Variants in TMEM117 observed in about 807,000 individuals in gnomAD.
TMEM117 encodes the protein transmembrane protein 117.
Under a neutral mutation model 52.4 loss-of-function variants are expected in TMEM117, and 27 were observed. The ratio of observed to expected loss-of-function variants is 0.51; its 90% CI spans 0.38 to 0.71. The LOEUF (loss-of-function observed/expected upper bound fraction) is 0.71, where lower values mean the gene tolerates loss of function less well. Among genes scored for constraint, TMEM117 ranks in the 30% least tolerant of loss-of-function variants. The pLI is 0.00. For synonymous variants in TMEM117, 215 were observed against 206.3 expected (o/e 1.04, Z -0.36); for missense variants, 556 against 630.5 (o/e 0.88, Z 1.26).
At chr12:44,119,853 C>T (rs1229304836) in intron 3 of TMEM117, among the ~76,000 whole-genome samples, 6 of 152,072 alleles carry the variant, frequency 3.9e-5, no homozygotes, top group Admixed American at 3.9e-4. Flanking sequence ...AATGTGTAAC[C>T]AGGGTTGAGA....
intron 3 of TMEM117, among the ~76,000 whole-genome samples, chr12:44,083,392 T>TC (rs1416288285): frequency 7.1e-6 from 1 of 139,862 alleles, no homozygotes; most frequent in Non-Finnish European, 1.5e-5. Flanking sequence ...ATTGTTAGTT[T>TC]TTTTTTTTTT....
At chr12:44,300,527 T>C (rs1950826535) in intron 6 of TMEM117, among the ~76,000 whole-genome samples, 1 of 152,254 alleles carries the variant, frequency 6.6e-6, no homozygotes. Flanking sequence ...ATTCTGAATT[T>C]ATGTGAGATT....
At chr12:43,847,003 A>T (rs746208413) in intron 2 of TMEM117, among the ~76,000 whole-genome samples, 2 of 152,226 alleles carry the variant, frequency 1.3e-5, no homozygotes, top group Non-Finnish European at 2.9e-5. Flanking sequence ...ATAGATGCAC[A>T]TAGTTTCTAG....
At chr12:44,104,886 C>T (rs1384821788) in intron 3 of TMEM117, among the ~76,000 whole-genome samples, 2 of 151,424 alleles carry the variant, frequency 1.3e-5, no homozygotes, top group Non-Finnish European at 2.9e-5. Context: ...ATTTTTTTCC[C>T]CTGGGTTCTT....
chr12:43,914,984 G>C (rs1944576857), intron 2 of TMEM117, among the ~76,000 whole-genome samples: 2 of 152,048 alleles, frequency 1.3e-5, no homozygotes, highest in African/African-American at 2.4e-5. Flanking sequence ...TTCTCATCTT[G>C]ATTTACCCAA....
intron 5 of TMEM117, among the ~76,000 whole-genome samples, chr12:44,251,281 A>T (rs1355794238): frequency 6.6e-6 from 1 of 152,206 alleles, no homozygotes; most frequent in East Asian, 1.9e-4. Context: ...TCTAAAATGG[A>T]AACTTGAAAT....
At chr12:43,859,295 G>T (rs1220215355) in intron 2 of TMEM117, among the ~76,000 whole-genome samples, 1 of 152,192 alleles carries the variant, frequency 6.6e-6, no homozygotes, top group Non-Finnish European at 1.5e-5. Flanking sequence ...GGGCAAAATG[G>T]TTGCAGTGTA....
At chr12:44,169,856 C>G (rs1949020246) in intron 4 of TMEM117, among the ~76,000 whole-genome samples, 1 of 152,134 alleles carries the variant, frequency 6.6e-6, no homozygotes, top group South Asian at 2.1e-4. Flanking sequence ...GGACTGTAAA[C>G]TAGTTCAACC....
intron 1 of TMEM117, among the ~76,000 whole-genome samples, chr12:43,843,791 G>A (rs527722668): frequency 6.6e-6 from 1 of 152,234 alleles, no homozygotes; most frequent in African/African-American, 2.4e-5. Flanking sequence ...CTACTCTACT[G>A]TAGACTTAGC....
intron 1 of TMEM117, among the ~76,000 whole-genome samples, chr12:43,838,859 G>A (rs1360330989): frequency 6.6e-6 from 1 of 151,924 alleles, no homozygotes; most frequent in Non-Finnish European, 1.5e-5. Flanking sequence ...CAAATGGCAG[G>A]TATCAGGAAT....
At chr12:44,352,617 A>C (rs1951580807) in intron 6 of TMEM117, among the ~76,000 whole-genome samples, 1 of 152,088 alleles carries the variant, frequency 6.6e-6, no homozygotes, top group Non-Finnish European at 1.5e-5. Context: ...CCTACAAAGG[A>C]CATGAACTCA....
At chr12:44,166,613 T>C (rs1394310775) in intron 4 of TMEM117, among the ~76,000 whole-genome samples, 1 of 152,114 alleles carries the variant, frequency 6.6e-6, no homozygotes, top group Non-Finnish European at 1.5e-5. Context: ...AGTGGACAAA[T>C]AAAATTTTCT....
intron 2 of TMEM117, 26 bp downstream of exon 2, chr12:43,844,954 A>G (rs1943176556): frequency 1.9e-6 from 3 of 1,576,128 alleles, no homozygotes; most frequent in Middle Eastern, 1.7e-4. Context: ...CATGAAATGT[A>G]ATATCACTAA....
intron 4 of TMEM117, among the ~76,000 whole-genome samples, chr12:44,204,685 A>T (rs73100825): frequency 6.6e-6 from 1 of 152,018 alleles, no homozygotes; most frequent in African/African-American, 2.4e-5. Context: ...CCAAAACAGC[A>T]TATTGGTACA....
intron 7 of TMEM117, among the ~76,000 whole-genome samples, chr12:44,387,271 C>G (rs1012593223): frequency 5.3e-5 from 8 of 151,688 alleles, no homozygotes; most frequent in Admixed American, 1.3e-4. Context: ...TTTCCACATT[C>G]TTTCCATTTG....
chr12:43,848,704 AC>A (rs1346303121), intron 2 of TMEM117, among the ~76,000 whole-genome samples: 1 of 152,256 alleles, frequency 6.6e-6, no homozygotes, highest in Non-Finnish European at 1.5e-5. Context: ...TCCTGAGGTG[AC>A]ATACATCCTC....
chr12:44,005,133 A>G (rs1410260792), intron 3 of TMEM117, among the ~76,000 whole-genome samples: 1 of 152,220 alleles, frequency 6.6e-6, no homozygotes, highest in Non-Finnish European at 1.5e-5. Flanking sequence ...CCTAGGAGGT[A>G]GGAATTATTA....
intron 2 of TMEM117, among the ~76,000 whole-genome samples, chr12:43,885,619 AT>A (rs144248183): frequency 0.048 from 7,169 of 149,312 alleles, 240 homozygotes; most frequent in African/African-American, 0.095. Context: ...TATATACTTT[AT>A]TTTTTTTTTA....
intron 2 of TMEM117, among the ~76,000 whole-genome samples, chr12:43,898,708 GTA>G (rs1944254734): frequency 6.6e-6 from 1 of 152,126 alleles, no homozygotes; most frequent in Non-Finnish European, 1.5e-5. Flanking sequence ...ACTTCACAAT[GTA>G]CAACACAGTA....
Sources: allele counts gnomAD v4.1 joint callset (sites outside exome capture counted in the v4.1 genomes callset), GRCh38; gene constraint gnomAD v4.1.1; transcripts MANE v1.5; gene names NCBI Gene and HGNC (gene_info 2026-07-23, HGNC 2026-07-21).